PREX2: variants seen among roughly 807,000 people sequenced by gnomAD.
PREX2 encodes the protein phosphatidylinositol 3,4,5-trisphosphate-dependent Rac exchanger 2 protein.
Under a neutral mutation model 203.2 loss-of-function variants are expected in PREX2, and 107 were observed. That is an observed-to-expected ratio of 0.53 (90% confidence interval 0.45 to 0.62). The LOEUF (loss-of-function observed/expected upper bound fraction) is 0.62. Ranked by LOEUF, PREX2 falls within the 20% of genes least tolerant of loss-of-function variation. The pLI is 0.00. For missense variants in PREX2, 1,777 were observed against 1,955.9 expected (o/e 0.91, Z 1.72); for synonymous variants, 672 against 663.6 (o/e 1.01, Z -0.19).
chr8:67,965,721 AG>A (rs1335037332), intron 1 of PREX2, among the ~76,000 whole-genome samples: 1 of 152,128 alleles, frequency 6.6e-6, no homozygotes, highest in East Asian at 1.9e-4. Context: ...GACAGGATAG[AG>A]GAGGGAGAGT....
chr8:68,128,394 G>T (rs1450854314), intron 31 of PREX2, among the ~76,000 whole-genome samples: 5 of 152,060 alleles, frequency 3.3e-5, no homozygotes. Flanking sequence ...AAACTTTCTG[G>T]CATAAAACAA....
At chr8:68,097,499 A>AT (rs1395782552) in intron 22 of PREX2, among the ~76,000 whole-genome samples, 10 of 152,166 alleles carry the variant, frequency 6.6e-5, no homozygotes, top group African/African-American at 2.2e-4. Context: ...TAATTTTTGT[A>AT]TTTTTAGTAG....
At chr8:68,212,719 A>G (rs1812762823) in intron 37 of PREX2, among the ~76,000 whole-genome samples, 1 of 152,208 alleles carries the variant, frequency 6.6e-6, no homozygotes, top group African/African-American at 2.4e-5. Context: ...TATAGAGAGA[A>G]TAGAACAATT....
rs551422706 is a variant in PREX2 at position 67,976,540 on chromosome 8, G to A, written c.141+24005G>A. 8.5e-5 allele frequency among the ~76,000 whole-genome samples: 8 copies of A among 94,540 alleles called. 1 individual carries two copies. In the Admixed American group the frequency reaches 1.1e-3, roughly 12 times the overall value. 62.0% of individuals were successfully genotyped at this position (94,540 alleles called of 152,430 possible). On this transcript the variant is annotated intron_variant, in intron 1 of 39. Coordinates refer to ENST00000288368, the MANE Select transcript of PREX2 (RefSeq NM_024870.4). Reference sequence around the variant, plus strand: ...GAGACAGAGACAGAGAGAGAGAGACGGGAGAGAGACAGAGAGAGAGAGACA... The same window carrying A: ...GAGACAGAGACAGAGAGAGAGAGACAGGAGAGAGACAGAGAGAGAGAGACA...
Position 67,990,452 on chromosome 8 carries a change from A to G in PREX2, c.142-27394A>G, listed in dbSNP as rs536486466. Among the ~76,000 whole-genome samples the G allele has an allele frequency of 3.3e-5, 5 of 150,312 alleles. No homozygotes were observed. In the East Asian group the frequency reaches 7.8e-4, roughly 23 times the overall value. On this transcript the variant is annotated intron_variant, in intron 1 of 39. Coordinates refer to ENST00000288368, the MANE Select transcript of PREX2 (RefSeq NM_024870.4). ...GATTCTGATTTACATGGTCTTGGATAGGGCCTGGGAATCATTTTGCCTTTT... is the reference window on the plus strand; with the variant it reads ...GATTCTGATTTACATGGTCTTGGATGGGGCCTGGGAATCATTTTGCCTTTT...
chr8:68,016,760 G>T lies in PREX2; in HGVS notation c.142-1086G>T, dbSNP rs368245795. ...GCCTCTTAAGTAACTAGGAGTACAG[G>T]TGTGTGCCACCACGCCCAGCAAACT... On this transcript the variant is annotated intron_variant, in intron 1 of 39. Coordinates refer to ENST00000288368, the MANE Select transcript of PREX2 (RefSeq NM_024870.4). Among the ~76,000 whole-genome samples, 292 of 152,172 alleles carry T rather than the reference G, an allele frequency of 1.9e-3. 5 individuals carry two copies. The highest frequency in any genetic ancestry group is 6.7e-3 in the African/African-American group (280 of 41,524).
intron 35 of PREX2, among the ~76,000 whole-genome samples, chr8:68,159,491 C>T (rs1811611345): frequency 6.6e-6 from 1 of 152,168 alleles, no homozygotes; most frequent in Admixed American, 6.6e-5. Context: ...GATTTGCCCT[C>T]AGACTGTCTG....
intron 7 of PREX2, among the ~76,000 whole-genome samples, chr8:68,040,344 A>G (rs1808161286): frequency 1.3e-5 from 2 of 152,044 alleles, no homozygotes; most frequent in Admixed American, 6.6e-5. Context: ...AATAAAATTC[A>G]CACTCCTTAC....
chr8:68,060,438 G>C (rs775769885), intron 10 of PREX2, among the ~76,000 whole-genome samples: 3 of 152,188 alleles, frequency 2.0e-5, no homozygotes, highest in Admixed American at 6.5e-5. Context: ...AAGTTGAATA[G>C]TTTAAAACTA....
chr8:67,953,401 C>T (rs2129016307), intron 1 of PREX2, among the ~76,000 whole-genome samples: 1 of 152,222 alleles, frequency 6.6e-6, no homozygotes, highest in South Asian at 2.1e-4. Flanking sequence ...AGATAACACT[C>T]AAAAGTTGAA....
At chr8:67,979,937 A>G (rs974023672) in intron 1 of PREX2, among the ~76,000 whole-genome samples, 4 of 152,188 alleles carry the variant, frequency 2.6e-5, no homozygotes, top group African/African-American at 9.7e-5. Context: ...GCAATACCAG[A>G]CATGTAGACA....
At chr8:68,142,042 T>A (rs1027618793) in intron 33 of PREX2, among the ~76,000 whole-genome samples, 2 of 152,074 alleles carry the variant, frequency 1.3e-5, no homozygotes, top group African/African-American at 4.8e-5. Flanking sequence ...CATACCCCTG[T>A]CCCTACACAT....
At chr8:68,154,873 T>C (rs1346153843) in intron 34 of PREX2, among the ~76,000 whole-genome samples, 1 of 152,194 alleles carries the variant, frequency 6.6e-6, no homozygotes, top group Non-Finnish European at 1.5e-5. Context: ...CCCTTCTTCA[T>C]AGGCGATGGG....
At chr8:68,113,166 T>C (rs1336180834) in intron 25 of PREX2, among the ~76,000 whole-genome samples, 2 of 152,194 alleles carry the variant, frequency 1.3e-5, no homozygotes, top group African/African-American at 4.8e-5. Context: ...AAACATGGTG[T>C]TAAAAATACA....
In PREX2 at chr8:68,139,530, T is replaced by C. The variant is rs115002726; in HGVS notation, c.4087+1013T>C. On this transcript the variant is annotated intron_variant, in intron 33 of 39. Transcript: ENST00000288368. ...CTAACCATGACATTGAACTGATGAATTACGGGATGTGTGTTCCATATTAAA... is the reference window on the plus strand; with the variant it reads ...CTAACCATGACATTGAACTGATGAACTACGGGATGTGTGTTCCATATTAAA... 6.2e-3 allele frequency among the ~76,000 whole-genome samples: 951 copies of C among 152,236 alleles called. 7 individuals carry two copies. The highest frequency in any genetic ancestry group is 0.02 in the African/African-American group (844 of 41,544).
intron 1 of PREX2, among the ~76,000 whole-genome samples, chr8:67,971,129 A>G (rs1432495711): frequency 6.6e-6 from 1 of 152,096 alleles, no homozygotes. Flanking sequence ...CAGTAGAGGT[A>G]GTTTAGGACT....
chr8:68,099,591 A>C, intron 22 of PREX2, 91 bp from the exon 23 acceptor site: 1 of 1,256,686 alleles, frequency 8.0e-7, no homozygotes, highest in African/African-American at 1.5e-5. Context: ...CTACTTTTGA[A>C]GTTTTTCTTC....
intron 16 of PREX2, 67 bp from the exon 17 acceptor site, chr8:68,080,679 C>A (rs1809493182): frequency 4.2e-6 from 6 of 1,436,780 alleles, no homozygotes; most frequent in Non-Finnish European, 5.8e-6. Flanking sequence ...CACATTACTT[C>A]GTTCTGTTTG....
intron 1 of PREX2, among the ~76,000 whole-genome samples, chr8:67,955,168 AAAAG>A (rs1563468427): frequency 6.6e-6 from 1 of 150,960 alleles, no homozygotes; most frequent in Non-Finnish European, 1.5e-5. Flanking sequence ...AAAAAAAAAA[AAAAG>A]AAATCATATG....
Sources: gnomAD v4.1 joint callset for allele counts (sites outside exome capture counted in the v4.1 genomes callset) on GRCh38, gnomAD v4.1.1 for gene constraint, MANE v1.5 for transcripts, NCBI Gene and HGNC (gene_info 2026-07-23, HGNC 2026-07-21) for gene names.